The following GALNT9 variants were observed in gnomAD, a reference collection of about 807,000 sequenced individuals.
The protein encoded by GALNT9 is polypeptide N-acetylgalactosaminyltransferase 9.
Under a neutral mutation model 63.1 loss-of-function variants are expected in GALNT9, and 47 were observed. The observed-to-expected ratio is 0.75, with a 90% CI of 0.59 to 0.95. The LOEUF is 0.95. GALNT9 is among the 40% of genes least tolerant of loss of function. The pLI is 0.00. For synonymous variants in GALNT9, 396 were observed against 365.7 expected, an observed-to-expected ratio of 1.08 and a Z score of -0.94; for missense variants, 829 against 874.8, an observed-to-expected ratio of 0.95 and a Z score of 0.66.
intron 6 of GALNT9, among the ~76,000 whole-genome samples, chr12:132,225,101 T>C (rs1375432388): frequency 8.0e-5 from 8 of 100,546 alleles, no homozygotes; most frequent in Admixed American, 6.0e-4. Flanking sequence ...ACACTGTACA[T>C]ACACACCCCC....
At chr12:132,307,562 A>G (rs1881658793) in intron 1 of GALNT9, among the ~76,000 whole-genome samples, 2 of 152,098 alleles carry the variant, frequency 1.3e-5, no homozygotes, top group Non-Finnish European at 1.5e-5. Flanking sequence ...GGCCGGACAC[A>G]GTGGCTCACG....
At chr12:132,303,731 A>G (rs1327153377) in intron 1 of GALNT9, among the ~76,000 whole-genome samples, 2 of 41,758 alleles carry the variant, frequency 4.8e-5, no homozygotes, top group Non-Finnish European at 9.6e-5. Flanking sequence ...GCACACCCTC[A>G]CCCAGACACA....
At chr12:132,243,248 G>GGGGGGCCATCA (rs1878520269) in intron 6 of GALNT9, among the ~76,000 whole-genome samples, 4 of 69,224 alleles carry the variant, frequency 5.8e-5, no homozygotes, top group African/African-American at 2.7e-4. Flanking sequence ...CCCCCTTCCC[G>GGGGGGCCATCA]GGGCCCTCCC....
chr12:132,266,344 G>C (rs1298871260), intron 2 of GALNT9, among the ~76,000 whole-genome samples: 4 of 152,228 alleles, frequency 2.6e-5, no homozygotes, highest in Non-Finnish European at 5.9e-5. Context: ...TTGCCTACTT[G>C]AGCTTTGGAC....
chr12:132,268,882 C>A (rs1555240469), intron 2 of GALNT9, among the ~76,000 whole-genome samples: 2 of 152,234 alleles, frequency 1.3e-5, no homozygotes, highest in African/African-American at 4.8e-5. Context: ...ACAAAAGCGG[C>A]GCCGGTGAGG....
chr12:132,254,025 C>G (rs117044213), intron 5 of GALNT9, among the ~76,000 whole-genome samples: 35 of 93,670 alleles, frequency 3.7e-4, no homozygotes, highest in East Asian at 1.2e-3. Context: ...ACTGTTTTTT[C>G]TTTTTTTTTT....
intron 6 of GALNT9, among the ~76,000 whole-genome samples, chr12:132,213,113 C>G (rs34769510): frequency 2.1e-5 from 1 of 48,612 alleles, no homozygotes; most frequent in African/African-American, 7.1e-5. Flanking sequence ...CTGCAGCCTT[C>G]AGACCTCGAC....
chr12:132,221,445 G>A (rs1485020405), intron 6 of GALNT9, among the ~76,000 whole-genome samples: 2 of 149,998 alleles, frequency 1.3e-5, no homozygotes, highest in African/African-American at 4.9e-5. Context: ...CAGATCATGA[G>A]GTCAGGAGTT....
chr12:132,266,618 G>C (rs1238492533), intron 2 of GALNT9, among the ~76,000 whole-genome samples: 1 of 152,262 alleles, frequency 6.6e-6, no homozygotes, highest in East Asian at 1.9e-4. Flanking sequence ...GAAGCCTCTG[G>C]AGGGGCACAG....
At chr12:132,311,195 T>C (rs1555245139) in intron 1 of GALNT9, among the ~76,000 whole-genome samples, 1 of 152,182 alleles carries the variant, frequency 6.6e-6, no homozygotes, top group Non-Finnish European at 1.5e-5. Flanking sequence ...ATTTGCTTTT[T>C]CCCTAAGAGG....
intron 1 of GALNT9, among the ~76,000 whole-genome samples, chr12:132,290,909 C>CAGCACCCACATCCAG: frequency 2.0e-5 from 1 of 49,780 alleles, no homozygotes; most frequent in Non-Finnish European, 3.4e-5. Context: ...CCCACGTCCA[C>CAGCACCCACATCCAG]AGCACCCACA....
chr12:132,269,735 G>A (rs765011366), intron 2 of GALNT9, among the ~76,000 whole-genome samples: 23 of 152,380 alleles, frequency 1.5e-4, no homozygotes, highest in Non-Finnish European at 2.1e-4. Context: ...GGTCTCAGAC[G>A]CGTGGGGCCG....
At position 132,201,338 on chromosome 12, in the gene GALNT9, T is replaced by C. The variant is rs1446733088; in HGVS notation, c.1264-77A>G. ...GTCTTCCCCATAATGAGGTTGGGGG[T>C]CTCCAGGGACCAAGTGCCCTCACAG... is the stretch of plus-strand genomic sequence containing the variant. On this transcript the variant is annotated intron_variant, in intron 7 of 10. Coordinates refer to ENST00000328957, the MANE Select transcript of GALNT9 (RefSeq NM_001122636.2). The C allele has an allele frequency of 1.0e-5, 10 of 1,004,778 alleles. No homozygotes were observed. The South Asian group carries it at 1.2e-4, about 12-fold the overall frequency. The allele number at this position is 1,004,778 out of a possible 1,614,324, so 62.2% of individuals were successfully genotyped here.
intron 5 of GALNT9, among the ~76,000 whole-genome samples, chr12:132,254,515 A>T (rs1045793907): frequency 6.6e-6 from 1 of 152,022 alleles, no homozygotes; most frequent in African/African-American, 2.4e-5. Flanking sequence ...CTGATCCTCT[A>T]TGCGAGAGGA....
At chr12:132,199,850 G>A (rs1426191633) in intron 8 of GALNT9, among the ~76,000 whole-genome samples, 1 of 152,228 alleles carries the variant, frequency 6.6e-6, no homozygotes, top group Admixed American at 6.5e-5. Flanking sequence ...CGGCTCGTGA[G>A]CAAGTGTAGA....
In GALNT9 at chr12:132,286,575, C is replaced by G; in HGVS notation, c.239-145G>C. 1 of 1,322,270 alleles carries G rather than the reference C, an allele frequency of 7.6e-7. No individual in the cohort carries two copies. The highest frequency in any genetic ancestry group is 1.0e-6 in the Non-Finnish European group (1 of 996,954). 81.9% of individuals were successfully genotyped at this position (1,322,270 alleles called of 1,614,324 possible). A position where few individuals can be genotyped will look rare whatever the true frequency, so the allele number is the denominator to read the frequency against. ...CTCCCTGCAGATGGCAGGCTGCCAGCTCAGGACATTCCAGAAAGTGCAAGG... is the reference window on the plus strand; with the variant it reads ...CTCCCTGCAGATGGCAGGCTGCCAGGTCAGGACATTCCAGAAAGTGCAAGG... On this transcript the variant is annotated intron_variant, in intron 1 of 10. Coordinates refer to ENST00000328957, the MANE Select transcript of GALNT9 (RefSeq NM_001122636.2). The surrounding 1 kb of genome is among the most constrained non-coding windows in gnomAD (Gnocchi z 7.4).
At chr12:132,294,275 G>A (rs542441910) in intron 1 of GALNT9, among the ~76,000 whole-genome samples, 58 of 152,296 alleles carry the variant, frequency 3.8e-4, no homozygotes, top group East Asian at 1.9e-4. Context: ...GATGGGAGTC[G>A]CCTCCCCCAC....
chr12:132,312,253 C>T (rs531396649), intron 1 of GALNT9, among the ~76,000 whole-genome samples: 158 of 152,286 alleles, frequency 1.0e-3, no homozygotes, highest in African/African-American at 3.3e-3. Context: ...TTGTGTTCAA[C>T]GAATATGAAT....
intron 6 of GALNT9, among the ~76,000 whole-genome samples, chr12:132,237,548 C>T (rs1197198688): frequency 6.6e-6 from 1 of 151,942 alleles, no homozygotes; most frequent in Non-Finnish European, 1.5e-5. Flanking sequence ...CCTACGCCTA[C>T]TCACAACTGC....
Sources: gnomAD v4.1 joint callset for allele counts (sites outside exome capture counted in the v4.1 genomes callset) on GRCh38, gnomAD v4.1.1 for gene constraint, Gnocchi (gnomAD v3.1) non-coding constraint, MANE v1.5 for transcripts, NCBI Gene and HGNC (gene_info 2026-07-23, HGNC 2026-07-21) for gene names.